Variants in IPO9 observed in about 807,000 individuals in gnomAD.
IPO9 encodes the protein importin 9, also known as importin-9.
A neutral mutation model predicts 128.6 loss-of-function variants in IPO9; 28 were observed. That is an observed-to-expected ratio of 0.22 (90% CI 0.16 to 0.30). IPO9 has a LOEUF of 0.30. Among genes scored for constraint, IPO9 ranks in the 10% least tolerant of loss-of-function variants. The pLI, the probability that IPO9 is intolerant of heterozygous loss-of-function variation, is 1.00. For synonymous variants in IPO9, 455 were observed against 475.8 expected (o/e 0.96, Z 0.57); for missense variants, 935 against 1,293.9 (o/e 0.72, Z 4.26).
chr1:201,849,241 G>C (rs1680174220), intron 4 of IPO9, among the ~76,000 whole-genome samples: 1 of 152,070 alleles, frequency 6.6e-6, no homozygotes, highest in African/African-American at 2.4e-5. Flanking sequence ...TCAACTTTTA[G>C]TTCAAAGAGA....
Position 201,870,557 on chromosome 1 carries a change from C to A in IPO9, c.2134-26C>A. 6.2e-7 allele frequency: 1 copy of A among 1,602,214 alleles called. No individual in the cohort carries two copies. The highest frequency in any genetic ancestry group is 1.7e-4 in the Middle Eastern group (1 of 5,888). On this transcript the variant is annotated intron_variant, in intron 17 of 23. Transcript: ENST00000361565. The surrounding 1 kb of genome is among the most constrained non-coding windows in gnomAD (Gnocchi z 4.9). The stretch of plus-strand genomic sequence containing the variant: ...TGGCATCTGTCCCTCGATTACTAAT[C>A]TTGCTTGCCACCCCTGTCTCCCCAG...
In IPO9 at chr1:201,878,234, GAGAAAAC is replaced by G. The variant is rs1330457374; in HGVS notation, c.*2181_*2187del. The G allele has an allele frequency of 4.6e-5, 7 of 152,416 alleles. No individual in the cohort carries two copies. Among genetic ancestry groups the G allele is most frequent in the Admixed American group, 3.9e-4 (6 of 15,290 alleles). 9.4% of individuals were successfully genotyped at this position (152,416 alleles called of 1,614,324 possible). A position where few individuals can be genotyped will look rare whatever the true frequency, so the allele number is the denominator to read the frequency against. On this transcript the variant is annotated 3_prime_UTR_variant, in exon 24 of 24. Coordinates refer to ENST00000361565, the MANE Select transcript of IPO9 (RefSeq NM_018085.5). Reference sequence around the variant, plus strand: ...ATGGCAGATCTGACCAAGTGGTGCTGAGAAAACCACCCTCGGCCTTGCAGACTCCATA... The same window carrying G: ...ATGGCAGATCTGACCAAGTGGTGCTGCACCCTCGGCCTTGCAGACTCCATA...
At position 201,884,146 on chromosome 1, in the gene IPO9, C is replaced by T. The variant is rs866741649; in HGVS notation, c.*8092C>T. The stretch of plus-strand genomic sequence containing the variant: ...GGAGCTAGACTGCCTGGATTTGAAC[C>T]CTGGCTTTGCCACTTGCCTGTTGGG... On this transcript the variant is annotated 3_prime_UTR_variant, in exon 24 of 24. Transcript: ENST00000361565. The T allele has an allele frequency of 6.6e-6, 1 of 152,250 alleles. No homozygotes were observed. The highest frequency in any genetic ancestry group is 1.5e-5 in the Non-Finnish European group (1 of 68,052). 9.4% of individuals were successfully genotyped at this position (152,250 alleles called of 1,614,324 possible).
chr1:201,837,985 G>A (rs1191849468), intron 1 of IPO9, among the ~76,000 whole-genome samples: 3 of 152,162 alleles, frequency 2.0e-5, no homozygotes, highest in South Asian at 2.1e-4. Flanking sequence ...CAGGAGGATC[G>A]CTTGAACCCG....
chr1:201,873,479 G>A (rs1451853356), intron 20 of IPO9, among the ~76,000 whole-genome samples: 2 of 150,680 alleles, frequency 1.3e-5, no homozygotes, highest in Non-Finnish European at 3.0e-5. Flanking sequence ...CAGGCGTGGT[G>A]GCTCACACCT....
Position 201,855,894 on chromosome 1 carries a change from T to C in IPO9, c.1082T>C (p.Ile361Thr), listed in dbSNP as rs778210172. The change falls in exon 10 of 24, where the codon ATT (isoleucine) becomes ACT (threonine). Residue 361 changes from isoleucine to threonine, a missense_variant. By Grantham distance (89) the Ile-to-Thr change is moderately conservative (BLOSUM62 -1). Around this residue, in one of 3 missense-constraint regions of IPO9, gnomAD observed 741 missense variants for 1,019.1 expected, o/e 0.73. Transcript: ENST00000361565. ...GTTAAGAAAGCCTTGCCTGAATTGA[T>C]TTATTATATTATCCTGTACATGCAA... ...STVKKALPEL[I>T]YYIILYMQIT... 4.3e-6 allele frequency: 7 copies of C among 1,611,712 alleles called. No homozygotes were observed. The highest frequency in any genetic ancestry group is 5.1e-6 in the Non-Finnish European group (6 of 1,179,378).
chr1:201,832,084 T>G (rs748410157), intron 1 of IPO9, among the ~76,000 whole-genome samples: 17 of 147,464 alleles, frequency 1.2e-4, no homozygotes, highest in Non-Finnish European at 2.4e-4. Context: ...GTATTTTTAG[T>G]AGAGACGAGG....
rs747564859 is a variant in IPO9, at chr1:201,870,710, G to T, written c.2261G>T (p.Arg754Leu). The change falls in exon 18 of 24, where the codon CGC becomes CTC. Residue 754 changes from arginine (R) to leucine (L), a missense_variant. Coordinates refer to ENST00000361565, the MANE Select transcript of IPO9 (RefSeq NM_018085.5). The surrounding 1 kb of genome is among the most constrained non-coding windows in gnomAD (Gnocchi z 4.9). ...GTGGTGAGCCAGCTCCTGGACCCCC[G>T]CACCTCAGAGTTCACTGCGGCCTTT... ...MQVVSQLLDP[R>L]TSEFTAAFVG... 6.2e-7 allele frequency: 1 copy of T among 1,614,064 alleles called. No individual in the cohort carries two copies. Among genetic ancestry groups the T allele is most frequent in the African/African-American group, 1.3e-5 (1 of 74,928 alleles).
intron 1 of IPO9, among the ~76,000 whole-genome samples, chr1:201,834,126 G>C (rs1035483268): frequency 1.3e-4 from 19 of 151,720 alleles, no homozygotes; most frequent in African/African-American, 4.4e-4. Flanking sequence ...AGGTTTGTAG[G>C]AAATTTACTT....
chr1:201,858,327 T>A, intron 11 of IPO9, 120 bp from the exon 12 acceptor site: 1 of 511,200 alleles, frequency 2.0e-6, no homozygotes, highest in Admixed American at 2.9e-5. Context: ...AATTAGGGGT[T>A]TGCACATGTA....
intron 23 of IPO9, 111 bp from the exon 24 acceptor site, chr1:201,875,833 G>T (rs1680752187): frequency 1.4e-6 from 1 of 720,956 alleles, no homozygotes; most frequent in Non-Finnish European, 2.5e-6. Context: ...CAGGGAGCTG[G>T]CATTTGTCTA....
intron 13 of IPO9, among the ~76,000 whole-genome samples, chr1:201,862,553 TC>T (rs1395342234): frequency 6.6e-6 from 1 of 151,980 alleles, no homozygotes; most frequent in Non-Finnish European, 1.5e-5. Flanking sequence ...ACACCTGTAA[TC>T]CCAGCACTTT....
At chr1:201,845,462 G>A (rs1441333910) in intron 1 of IPO9, among the ~76,000 whole-genome samples, 1 of 152,222 alleles carries the variant, frequency 6.6e-6, no homozygotes, top group African/African-American at 2.4e-5. Flanking sequence ...CCAAAGGGAA[G>A]TGATGAGCCT....
In IPO9 at chr1:201,858,543, A is replaced by C; in HGVS notation, c.1318A>C (p.Thr440Pro). The change falls in exon 12 of 24, where the codon ACT (threonine) becomes CCT (proline). Residue 440 changes from threonine to proline, a missense_variant. This residue lies in a region of IPO9 where 741 missense variants were observed against 1,019.1 expected (regional missense o/e 0.73). Transcript: ENST00000361565. ...AGCTGAGCAAACCAAAAACAGTGGC[A>C]CTGAGCACTGGTAAGAGTGAGCCGC... The part of the protein sequence containing the change: ...QEAEQTKNSG[T>P]EHWWKIHEAC... The C allele has an allele frequency of 6.3e-7, 1 of 1,577,694 alleles. No homozygotes were observed. Among genetic ancestry groups the C allele is most frequent in the Non-Finnish European group, 8.6e-7 (1 of 1,160,068 alleles).
chr1:201,855,541 G>A (rs1680315151), intron 9 of IPO9, among the ~76,000 whole-genome samples: 1 of 152,160 alleles, frequency 6.6e-6, no homozygotes, highest in South Asian at 2.1e-4. Flanking sequence ...TAGAACAATA[G>A]ACATACTGGA....
Position 201,863,491 on chromosome 1 carries a change from G to A in IPO9, c.1512G>A (p.Arg504=). 1.9e-6 allele frequency: 3 copies of A among 1,594,522 alleles called. No homozygotes were observed. The highest frequency in any genetic ancestry group is 2.6e-6 in the Non-Finnish European group (3 of 1,164,568). The change falls in exon 14 of 24, where the codon CGG becomes CGA. Residue 504 remains arginine, a synonymous_variant. Coordinates refer to ENST00000361565, the MANE Select transcript of IPO9 (RefSeq NM_018085.5). ...GCCGGGCACTTTGGGCTGCCAGTCG[G>A]TTCACTGTTGCTATGTCCCCTGAAC... ...LLGRALWAAS[R]FTVAMSPELI... is the part of the protein sequence containing the mutation.
intron 1 of IPO9, chr1:201,834,934 CT>C (rs981075980): frequency 6.6e-6 from 1 of 152,408 alleles, no homozygotes; most frequent in African/African-American, 2.4e-5. Flanking sequence ...CTCATGGGCA[CT>C]TTTCTGGCTC....
At chr1:201,838,956 G>A (rs1011665733) in intron 1 of IPO9, among the ~76,000 whole-genome samples, 2 of 148,848 alleles carry the variant, frequency 1.3e-5, no homozygotes, top group Non-Finnish European at 3.0e-5. Flanking sequence ...GCCTTGCTGT[G>A]TCACCCAGGC....
Position 201,858,475 on chromosome 1 carries a change from G to C in IPO9, c.1250G>C (p.Ser417Thr), listed in dbSNP as rs970593041. 6.3e-7 allele frequency: 1 copy of C among 1,582,206 alleles called. No homozygotes were observed. ...LAVATDFQNE[S>T]AAALAAAATR... ...GTGGCCACAGATTTCCAGAATGAAA[G>C]TGCAGCAGCCCTGGCTGCTGCAGCC... Residue 417 changes from serine to threonine, a missense_variant, in exon 12 of 24, where the codon AGT (serine) becomes ACT (threonine). Around this residue, in one of 3 missense-constraint regions of IPO9, gnomAD observed 741 missense variants for 1,019.1 expected, o/e 0.73. Transcript: ENST00000361565.
Sources: gnomAD v4.1 joint callset for allele counts (sites outside exome capture counted in the v4.1 genomes callset) on GRCh38, gnomAD v4.1.1 for gene constraint, gnomAD v4.1.1 regional missense constraint, Gnocchi (gnomAD v3.1) non-coding constraint, MANE v1.5 for transcripts, NCBI Gene and HGNC (gene_info 2026-07-23, HGNC 2026-07-21) for gene names.